Variants in BARD1 observed in about 807,000 individuals in gnomAD.
BARD1 encodes the protein BRCA1 associated RING domain 1.
Under a neutral mutation model 77.0 loss-of-function variants are expected in BARD1, and 73 were observed. The observed-to-expected ratio is 0.95, with a 90% confidence interval of 0.79 to 1.15. The LOEUF (loss-of-function observed/expected upper bound fraction) is 1.15. Ranked by LOEUF, BARD1 falls within the 50% of genes most tolerant of loss-of-function variation. The pLI is 0.00. For missense variants in BARD1, 993 were observed against 938.8 expected, an observed-to-expected ratio of 1.06 and a Z score of -0.75; for synonymous variants, 384 against 338.0, an observed-to-expected ratio of 1.14 and a Z score of -1.49.
intron 7 of BARD1, among the ~76,000 whole-genome samples, chr2:214,751,563 T>C (rs1379202749): frequency 6.6e-6 from 1 of 152,150 alleles, no homozygotes; most frequent in Admixed American, 6.6e-5. Flanking sequence ...CAATGTACAG[T>C]AAAAGTTTTT....
chr2:214,759,965 T>C (rs984969812), intron 6 of BARD1, among the ~76,000 whole-genome samples: 1 of 152,194 alleles, frequency 6.6e-6, no homozygotes, highest in African/African-American at 2.4e-5. Context: ...CGCTTTTAAA[T>C]TCACTTGGCT....
At chr2:214,785,021 TAAA>T (rs10711790) in intron 3 of BARD1, among the ~76,000 whole-genome samples, 5 of 146,152 alleles carry the variant, frequency 3.4e-5, no homozygotes, top group Non-Finnish European at 1.5e-5. Flanking sequence ...AAATTATAGT[TAAA>T]AAAAAAAAAA....
At chr2:214,757,621 T>G (rs1335658574) in intron 6 of BARD1, among the ~76,000 whole-genome samples, 1 of 152,120 alleles carries the variant, frequency 6.6e-6, no homozygotes, top group Non-Finnish European at 1.5e-5. Context: ...TGAATATATT[T>G]GTATAAACAA....
chr2:214,749,064 G>C (rs1407071896), intron 7 of BARD1, among the ~76,000 whole-genome samples: 3 of 152,070 alleles, frequency 2.0e-5, no homozygotes, highest in Non-Finnish European at 2.9e-5. Context: ...AAGGGGGTTA[G>C]ACAGCACTGG....
chr2:214,806,711 T>C (rs886565307), intron 1 of BARD1, among the ~76,000 whole-genome samples: 2 of 151,918 alleles, frequency 1.3e-5, no homozygotes, highest in East Asian at 3.9e-4. Flanking sequence ...CCGTCTCTAG[T>C]AAAAATACAA....
At chr2:214,762,975 C>T (rs764539403) in intron 6 of BARD1, among the ~76,000 whole-genome samples, 9 of 150,604 alleles carry the variant, frequency 6.0e-5, no homozygotes, top group Middle Eastern at 7.0e-3. Context: ...TGAGTTCCCT[C>T]CCCAGTGTGA....
rs139785364 is a variant in BARD1, at chr2:214,728,759, G to A, written c.2251C>T (p.Arg751Trp). The stretch of plus-strand genomic sequence containing the variant: ...GGAGCCTTCCAGACTTTGCCCTGCC[G>A]AACCCTCTCTGGGTGATAATTACAC... Reference protein sequence around the residue: ...DLCNYHPERVRQGKVWKAPSS... With the variant: ...DLCNYHPERVWQGKVWKAPSS... The change falls in exon 11 of 11, where the codon CGG becomes TGG. Residue 751 changes from arginine to tryptophan, a missense_variant. Arg to Trp is a moderately radical substitution (Grantham distance 101). Coordinates refer to ENST00000260947, the MANE Select transcript of BARD1 (RefSeq NM_000465.4). 14 of 1,613,986 alleles carry A rather than the reference G, an allele frequency of 8.7e-6. No homozygotes were observed. Among genetic ancestry groups the A allele is most frequent in the African/African-American group, 4.0e-5 (3 of 74,888 alleles).
At chr2:214,806,270 TGAATGTGAG>T (rs1696264720) in intron 1 of BARD1, among the ~76,000 whole-genome samples, 1 of 152,156 alleles carries the variant, frequency 6.6e-6, no homozygotes, top group African/African-American at 2.4e-5. Context: ...AGCTGCAAGC[TGAATGTGAG>T]GGTAATCGGG....
chr2:214,765,751 T>TAC (rs147394459), intron 6 of BARD1, among the ~76,000 whole-genome samples: 1,696 of 150,324 alleles, frequency 0.011, 19 homozygotes, highest in East Asian at 0.06. Flanking sequence ...CGCACGTGTG[T>TAC]ACACACACAC....
At chr2:214,806,754 G>A (rs189356406) in intron 1 of BARD1, among the ~76,000 whole-genome samples, 2 of 151,796 alleles carry the variant, frequency 1.3e-5, no homozygotes, top group East Asian at 3.9e-4. Flanking sequence ...TGCACCTGTA[G>A]TTCCAGCTAC....
At position 214,769,222 on chromosome 2, in the gene BARD1, A is replaced by T; in HGVS notation, c.1395+10T>A. ...CACAGAAAGAATGAGAATAAAAACC[A>T]GACAACTACCAATGGTGTCCATCCA... On this transcript the variant is annotated intron_variant, in intron 5 of 10. Transcript: ENST00000260947. The T allele has an allele frequency of 6.2e-7, 1 of 1,604,812 alleles. No homozygotes were observed. Among genetic ancestry groups the T allele is most frequent in the Non-Finnish European group, 8.5e-7 (1 of 1,171,604 alleles).
chr2:214,732,713 T>G (rs193052340), intron 9 of BARD1, among the ~76,000 whole-genome samples: 207 of 152,310 alleles, frequency 1.4e-3, no homozygotes, highest in African/African-American at 4.8e-3. Flanking sequence ...ATGATTATCT[T>G]GAGAGCAAAA....
intron 3 of BARD1, among the ~76,000 whole-genome samples, chr2:214,789,074 A>G (rs1228689140): frequency 6.6e-6 from 1 of 152,174 alleles, no homozygotes; most frequent in East Asian, 1.9e-4. Context: ...ACAGAAGGTT[A>G]TAATTCAGTA....
intron 6 of BARD1, among the ~76,000 whole-genome samples, chr2:214,760,779 C>CT (rs398061047): frequency 0.17 from 24,607 of 141,260 alleles, 2,414 homozygotes; most frequent in East Asian, 0.41. Context: ...GGACTTTTTT[C>CT]TTTTTTTTTT....
chr2:214,764,352 C>A (rs1432708197), intron 6 of BARD1, among the ~76,000 whole-genome samples: 1 of 152,120 alleles, frequency 6.6e-6, no homozygotes, highest in South Asian at 2.1e-4. Flanking sequence ...GTAAGTCCTA[C>A]GACTGGGGAG....
chr2:214,749,620 C>T (rs760954152), intron 7 of BARD1, among the ~76,000 whole-genome samples: 14 of 152,200 alleles, frequency 9.2e-5, no homozygotes, highest in Admixed American at 2.6e-4. Flanking sequence ...GGAACATCAG[C>T]AAAGGACAAC....
chr2:214,747,336 C>T (rs1693172457), intron 7 of BARD1, among the ~76,000 whole-genome samples: 1 of 144,624 alleles, frequency 6.9e-6, no homozygotes, highest in African/African-American at 2.6e-5. Flanking sequence ...TACCATTTGA[C>T]CCAGCCATCC....
In BARD1 at chr2:214,796,930, G is replaced by A. The variant is rs143683479; in HGVS notation, c.215+131C>T. On this transcript the variant is annotated intron_variant, in intron 2 of 10. Coordinates refer to ENST00000260947, the MANE Select transcript of BARD1 (RefSeq NM_000465.4). ...GTTTTAAAGATCAAACTAAGATAAT[G>A]TACAATAGGTTACTTTGCAGACTTT... The A allele has an allele frequency of 2.1e-4, 165 of 785,076 alleles. 1 individual carries two copies. In the African/African-American group the frequency reaches 2.7e-3, roughly 13 times the overall value. 48.6% of individuals were successfully genotyped at this position (785,076 alleles called of 1,614,324 possible). A position where few individuals can be genotyped will look rare whatever the true frequency, so the allele number is the denominator to read the frequency against.
intron 4 of BARD1, among the ~76,000 whole-genome samples, chr2:214,778,998 T>C (rs1441713659): frequency 6.6e-6 from 1 of 152,202 alleles, no homozygotes; most frequent in African/African-American, 2.4e-5. Flanking sequence ...TCTATAACTT[T>C]GTTTACAATA....
Sources: allele counts gnomAD v4.1 joint callset (sites outside exome capture counted in the v4.1 genomes callset), GRCh38; gene constraint gnomAD v4.1.1; transcripts MANE v1.5; gene names NCBI Gene and HGNC (gene_info 2026-07-23, HGNC 2026-07-21).